PHF24: variants seen among roughly 807,000 people sequenced by gnomAD.
PHF24 encodes PHD finger protein 24, also known as Galpha inhibitory interacting protein.
In PHF24, 25 loss-of-function variants were observed where a neutral mutation model predicts 42.6. The ratio of observed to expected loss-of-function variants is 0.59; its 90% CI spans 0.43 to 0.82. The LOEUF (loss-of-function observed/expected upper bound fraction) is 0.82. Ranked by LOEUF, PHF24 falls within the 40% of genes least tolerant of loss-of-function variation. PHF24 has a pLI of 0.00. For missense variants in PHF24, 470 were observed against 538.1 expected (o/e 0.87, Z 1.25); for synonymous variants, 185 against 204.8 (o/e 0.90, Z 0.83).
chr9:34,744,471 G>A, the PHF24 span, among the ~76,000 whole-genome samples: 28 of 152,254 alleles, frequency 1.8e-4, no homozygotes, highest in African/African-American at 6.7e-4. Flanking sequence ...TACTCAGAAG[G>A]TTCCTAGTAA....
chr9:34,791,393 G>A, the PHF24 span, among the ~76,000 whole-genome samples: 1 of 152,168 alleles, frequency 6.6e-6, no homozygotes, highest in East Asian at 1.9e-4. Flanking sequence ...GAAGCATTCA[G>A]TTTTAGAGAT....
the PHF24 span, among the ~76,000 whole-genome samples, chr9:34,682,494 C>T: frequency 3.3e-5 from 5 of 151,976 alleles, no homozygotes; most frequent in Non-Finnish European, 4.4e-5. Context: ...TTAGGTGATA[C>T]GCTCAATTTT....
At chr9:34,843,045 A>G in the PHF24 span, among the ~76,000 whole-genome samples, 1 of 152,072 alleles carries the variant, frequency 6.6e-6, no homozygotes, top group Non-Finnish European at 1.5e-5. Flanking sequence ...CATTTTTCCT[A>G]TTGTGTTAAT....
At chr9:34,917,123 C>T in the PHF24 span, 51 of 841,776 alleles carry the variant, frequency 6.1e-5, 1 homozygote, top group South Asian at 1.9e-4. Flanking sequence ...ACCTCGCTCT[C>T]GCGGCCTACC....
the PHF24 span, chr9:34,922,152 T>C: frequency 1.3e-6 from 2 of 1,570,898 alleles, no homozygotes; most frequent in Non-Finnish European, 1.7e-6. Flanking sequence ...GTGTAAATTT[T>C]AGAACGAGGC....
the PHF24 span, among the ~76,000 whole-genome samples, chr9:34,913,110 A>G: frequency 6.6e-6 from 1 of 152,154 alleles, no homozygotes; most frequent in Non-Finnish European, 1.5e-5. Context: ...ACGAACTTGA[A>G]TTTGGACCAA....
chr9:34,857,607 A>C, the PHF24 span, among the ~76,000 whole-genome samples: 1 of 152,132 alleles, frequency 6.6e-6, no homozygotes, highest in Non-Finnish European at 1.5e-5. Context: ...TTTCCTCACT[A>C]TCTGTGGGGT....
rs78836774 is a variant in PHF24, at chr9:34,973,051, C to T, written c.564+520C>T. ...GCCAAGTGCATTGTAGGATGTTTAG[C>T]GGCACCCTGGCCTTAATCCCCTAGA... is the stretch of plus-strand genomic sequence containing the variant. On this transcript the variant is annotated intron_variant, in intron 3 of 7. Transcript: ENST00000242315. 6.5e-3 allele frequency among the ~76,000 whole-genome samples: 991 copies of T among 152,086 alleles called. 10 individuals carry two copies. The highest frequency in any genetic ancestry group is 0.01 in the Non-Finnish European group (702 of 68,002).
the PHF24 span, among the ~76,000 whole-genome samples, chr9:34,823,465 G>A: frequency 6.6e-6 from 1 of 152,078 alleles, no homozygotes; most frequent in Non-Finnish European, 1.5e-5. Flanking sequence ...AGCACCTTCG[G>A]GTCCCATCCT....
the PHF24 span, among the ~76,000 whole-genome samples, chr9:34,667,635 A>C: frequency 6.6e-6 from 1 of 152,136 alleles, no homozygotes; most frequent in Non-Finnish European, 1.5e-5. Flanking sequence ...GAAGGAGAGG[A>C]AGGGCCATGG....
the PHF24 span, among the ~76,000 whole-genome samples, chr9:34,820,765 T>A: frequency 6.6e-6 from 1 of 152,234 alleles, no homozygotes; most frequent in Non-Finnish European, 1.5e-5. Context: ...ACGGGATTGC[T>A]GGGTTGAATG....
the PHF24 span, among the ~76,000 whole-genome samples, chr9:34,849,080 G>C: frequency 6.6e-6 from 1 of 152,198 alleles, no homozygotes; most frequent in South Asian, 2.1e-4. Flanking sequence ...ATATTCTGTT[G>C]ATTTGGTGTG....
the PHF24 span, chr9:34,726,809 G>A: frequency 3.2e-5 from 49 of 1,551,676 alleles, 1 homozygote; most frequent in South Asian, 9.5e-5. Flanking sequence ...CATACTAGAC[G>A]TAGACAGCAT....
At chr9:34,978,149 C>T in exon 8 of PHF24, 1 of 1,463,706 alleles carries the variant, frequency 6.8e-7, no homozygotes, top group Admixed American at 1.7e-5. Flanking sequence ...ACAGTGACAT[C>T]CTCTCCCTCC....
chr9:34,775,713 A>G, the PHF24 span, among the ~76,000 whole-genome samples: 5 of 152,232 alleles, frequency 3.3e-5, no homozygotes, highest in Non-Finnish European at 5.9e-5. Flanking sequence ...AGGGTTAAAC[A>G]TAGGTACCAC....
At chr9:34,866,339 C>T in the PHF24 span, among the ~76,000 whole-genome samples, 2 of 152,124 alleles carry the variant, frequency 1.3e-5, no homozygotes, top group Non-Finnish European at 2.9e-5. Context: ...GTGCTTTTTC[C>T]CTCCTCGTGG....
At chr9:34,769,337 T>C in the PHF24 span, among the ~76,000 whole-genome samples, 1 of 152,076 alleles carries the variant, frequency 6.6e-6, no homozygotes, top group African/African-American at 2.4e-5. Flanking sequence ...GCCAGGCTGG[T>C]CTTGAACTCC....
At chr9:34,690,557 C>G in the PHF24 span, among the ~76,000 whole-genome samples, 60 of 151,556 alleles carry the variant, frequency 4.0e-4, 1 homozygote, top group South Asian at 0.012. Context: ...AATATATTGT[C>G]ATACTTCTAA....
At chr9:34,750,387 G>T in the PHF24 span, among the ~76,000 whole-genome samples, 1 of 152,002 alleles carries the variant, frequency 6.6e-6, no homozygotes, top group Non-Finnish European at 1.5e-5. Flanking sequence ...CTACTTAGGA[G>T]GGTGTGGCAT....
Sources: allele counts gnomAD v4.1 joint callset (sites outside exome capture counted in the v4.1 genomes callset), GRCh38; gene constraint gnomAD v4.1.1; transcripts MANE v1.5; gene names NCBI Gene and HGNC (gene_info 2026-07-23, HGNC 2026-07-21).